The following GTPBP6 variants were observed in gnomAD, a reference collection of about 807,000 sequenced individuals.
GTPBP6 encodes GTP binding protein 6.
A neutral mutation model predicts 28.9 loss-of-function variants in GTPBP6; 33 were observed. The ratio of observed to expected loss-of-function variants is 1.14; its 90% CI spans 0.87 to 1.53. The LOEUF is 1.53. GTPBP6 is among the 40% of genes most tolerant of loss of function. The probability of loss-of-function intolerance (pLI) is 0.00; values close to 1 mark genes in which losing one functional copy is unlikely to be tolerated. For synonymous variants in GTPBP6, 231 were observed against 192.7 expected, an observed-to-expected ratio of 1.20 and a Z score of -1.65; for missense variants, 507 against 408.3, an observed-to-expected ratio of 1.24 and a Z score of -2.08.
exon 10 of GTPBP6, chrX:305,155 G>C (rs1482767641): frequency 6.2e-7 from 1 of 1,613,708 alleles, no homozygotes; most frequent in East Asian, 2.2e-5. Context: ...CGTCCTCAGG[G>C]ATCACGTCCA....
intron 9 of GTPBP6, among the ~76,000 whole-genome samples, chrX:306,632 A>G (rs1324836649): frequency 6.8e-6 from 1 of 146,812 alleles, no homozygotes; most frequent in South Asian, 2.2e-4. Context: ...GTACATTTTG[A>G]CTGTCAGCAC....
chrX:318,309 A>C (rs1475558318), intron 1 of GTPBP6, 130 bp downstream of exon 1: 1 of 361,484 alleles, frequency 2.8e-6, no homozygotes. Flanking sequence ...CCCGCCCCTG[A>C]ATCTCCACCT....
intron 7 of GTPBP6, among the ~76,000 whole-genome samples, chrX:311,188 G>A (rs112759669): frequency 7.0e-6 from 1 of 142,552 alleles, no homozygotes; most frequent in African/African-American, 2.8e-5. Context: ...CCCCGAGTTG[G>A]GTGGGTGTCT....
At chrX:307,060 A>G (rs2070185163) in intron 9 of GTPBP6, among the ~76,000 whole-genome samples, 1 of 151,520 alleles carries the variant, frequency 6.6e-6, no homozygotes, top group African/African-American at 2.4e-5. Context: ...TTTACTGTCA[A>G]GCACAGATTA....
intron 7 of GTPBP6, among the ~76,000 whole-genome samples, chrX:309,375 A>T (rs969354593): frequency 1.1e-4 from 16 of 152,172 alleles, no homozygotes; most frequent in Non-Finnish European, 2.1e-4. Flanking sequence ...CCTACCCAGA[A>T]TTAAGATCTC....
intron 2 of GTPBP6, among the ~76,000 whole-genome samples, chrX:316,682 C>T (rs1303378080): frequency 7.2e-5 from 11 of 152,164 alleles, no homozygotes; most frequent in Non-Finnish European, 1.5e-4. Context: ...CCGACCTAAT[C>T]TTTACCAGTT....
At chrX:316,266 GACAC>G (rs1222108776) in intron 2 of GTPBP6, among the ~76,000 whole-genome samples, 1 of 24,310 alleles carries the variant, frequency 4.1e-5, no homozygotes, top group Non-Finnish European at 8.9e-5. Context: ...CACACACACA[GACAC>G]ACACACAGTA....
chrX:311,580 G>A (rs373363748), exon 7 of GTPBP6: 13 of 1,612,222 alleles, frequency 8.1e-6, no homozygotes, highest in Non-Finnish European at 1.1e-5. Flanking sequence ...TGGTCCCGTG[G>A]CTGGATGGCG....
chrX:316,765 G>A (rs2070447693), intron 2 of GTPBP6, 149 bp downstream of exon 2: 1 of 397,868 alleles, frequency 2.5e-6, no homozygotes, highest in African/African-American at 2.1e-5. Flanking sequence ...CTACTGGCGT[G>A]TGCTCCCAGC....
At chrX:311,837 G>T in intron 6 of GTPBP6, 1 of 606,412 alleles carries the variant, frequency 1.6e-6, no homozygotes, top group Non-Finnish European at 2.9e-6. Context: ...GAGCGGGGCC[G>T]CCGTGCGGAC....
At chrX:305,573 G>A (rs1319232222) in intron 9 of GTPBP6, among the ~76,000 whole-genome samples, 7 of 149,566 alleles carry the variant, frequency 4.7e-5, no homozygotes, top group Non-Finnish European at 7.4e-5. Flanking sequence ...CACCCGCCTC[G>A]GCCTCCCAAA....
chrX:307,268 C>T, intron 9 of GTPBP6, 92 bp downstream of exon 9: 1 of 1,197,612 alleles, frequency 8.3e-7, no homozygotes, highest in Non-Finnish European at 1.2e-6. Context: ...GGGGATCTCA[C>T]AGCTCCTTGT....
chrX:313,857 A>G (rs1458257526), intron 5 of GTPBP6, among the ~76,000 whole-genome samples: 1 of 152,090 alleles, frequency 6.6e-6, no homozygotes, highest in Non-Finnish European at 1.5e-5. Flanking sequence ...AGGGGAGAGC[A>G]TAGATCTCTG....
intron 1 of GTPBP6, among the ~76,000 whole-genome samples, chrX:317,324 G>A (rs1386205161): frequency 3.3e-5 from 5 of 150,412 alleles, no homozygotes; most frequent in Admixed American, 3.3e-4. Flanking sequence ...CCCGGGAGCT[G>A]CGGGTGCTCA....
chrX:317,263 G>A (rs1423107833), intron 1 of GTPBP6, among the ~76,000 whole-genome samples: 1 of 152,134 alleles, frequency 6.6e-6, no homozygotes, highest in African/African-American at 2.4e-5. Flanking sequence ...GGGACACGAG[G>A]GCGACCCTGC....
At chrX:311,218 TTG>T (rs1423224626) in intron 7 of GTPBP6, among the ~76,000 whole-genome samples, 199 bp downstream of exon 7, 2 of 115,472 alleles carry the variant, frequency 1.7e-5, no homozygotes, top group Non-Finnish European at 3.5e-5. Flanking sequence ...GCCCCTGGCT[TTG>T]TGTGTGTCTG....
At chrX:311,086 G>A (rs1365461128) in intron 7 of GTPBP6, among the ~76,000 whole-genome samples, 2 of 152,136 alleles carry the variant, frequency 1.3e-5, no homozygotes, top group African/African-American at 4.8e-5. Context: ...GAGTGTCGGT[G>A]AGGCTGGGGC....
At chrX:312,958 C>T (rs2070344593) in intron 5 of GTPBP6, 34 bp from the exon 6 acceptor site, 4 of 1,591,532 alleles carry the variant, frequency 2.5e-6, no homozygotes, top group South Asian at 2.2e-5. Flanking sequence ...GGCGGTGAGC[C>T]ACGCCGGGAA....
At chrX:315,341 A>G (rs9646382) in intron 2 of GTPBP6, 42 bp from the exon 3 acceptor site, 271,407 of 398,084 alleles carry the variant, frequency 0.68, 93,610 homozygotes, top group Non-Finnish European at 0.72. Context: ...GGCCGTCCAC[A>G]CCCGTGGACT....
Sources: allele counts gnomAD v4.1 joint callset (sites outside exome capture counted in the v4.1 genomes callset), GRCh38; gene constraint gnomAD v4.1.1; transcripts MANE v1.5; gene names NCBI Gene and HGNC (gene_info 2026-07-23, HGNC 2026-07-21).